Variants in EAF1 observed in about 807,000 individuals in gnomAD.
EAF1 encodes the protein ELL associated factor 1.
In EAF1, 19 loss-of-function variants were observed where a neutral mutation model predicts 26.6. That is an observed-to-expected ratio of 0.71 (90% confidence interval 0.50 to 1.05). The LOEUF is 1.05. EAF1 is among the 50% of genes least tolerant of loss of function. EAF1 has a pLI of 0.00. For missense variants in EAF1, 260 were observed against 335.5 expected (o/e 0.78, Z 1.76); for synonymous variants, 102 against 120.6 (o/e 0.85, Z 1.01).
At chr3:15,435,251 C>CA (rs1202309205) in intron 4 of EAF1, among the ~76,000 whole-genome samples, 4 of 152,120 alleles carry the variant, frequency 2.6e-5, no homozygotes, top group Admixed American at 2.0e-4. Context: ...AAACCTGAGA[C>CA]AAAAAAGCTT....
chr3:15,438,954 T>C, intron 5 of EAF1, 155 bp from the exon 6 acceptor site: 1 of 667,822 alleles, frequency 1.5e-6, no homozygotes, highest in South Asian at 2.1e-5. Flanking sequence ...TTTGTTTCAG[T>C]GAGCCAATTT....
chr3:15,438,382 A>G (rs1357945101), intron 5 of EAF1, among the ~76,000 whole-genome samples: 1 of 152,150 alleles, frequency 6.6e-6, no homozygotes, highest in East Asian at 1.9e-4. Context: ...GCATTAGCAT[A>G]TTACTGGTGT....
At chr3:15,437,162 C>T (rs963738845) in intron 5 of EAF1, among the ~76,000 whole-genome samples, 9 of 151,784 alleles carry the variant, frequency 5.9e-5, no homozygotes, top group Non-Finnish European at 1.3e-4. Context: ...TCCCAAAGTG[C>T]TGGGATTATG....
chr3:15,433,123 T>C (rs762011038), intron 3 of EAF1: 3 of 152,832 alleles, frequency 2.0e-5, no homozygotes, highest in Non-Finnish European at 4.4e-5. Context: ...AATATGGAAT[T>C]GTTCATGAGT....
At chr3:15,430,198 C>G (rs1425675853) in intron 2 of EAF1, among the ~76,000 whole-genome samples, 191 bp downstream of exon 2, 2 of 152,108 alleles carry the variant, frequency 1.3e-5, no homozygotes, top group South Asian at 4.1e-4. Flanking sequence ...AAAAATAATT[C>G]TTGTAATCCT....
Position 15,439,517 on chromosome 3 carries a change from C to T in EAF1, c.*362C>T, listed in dbSNP as rs2061854166. ...TTCAGTTTTAAACCTCAGCAGCCAT[C>T]AGTTTGGCCAAGTGGTTGGTACCAG... is the stretch of plus-strand genomic sequence containing the variant. On this transcript the variant is annotated 3_prime_UTR_variant, in exon 6 of 6. Transcript: ENST00000396842. 1 of 182,512 alleles carries T rather than the reference C, an allele frequency of 5.5e-6. No individual in the cohort carries two copies. Among genetic ancestry groups the T allele is most frequent in the Non-Finnish European group, 1.1e-5 (1 of 88,270 alleles). The allele number at this position is 182,512 out of a possible 1,614,324, so 11.3% of individuals were successfully genotyped here. A position where few individuals can be genotyped will look rare whatever the true frequency, so the allele number is the denominator to read the frequency against.
chr3:15,439,175 T>C lies in EAF1; in HGVS notation c.*20T>C, dbSNP rs2061852415. Reference sequence around the variant, plus strand: ...GACTAGTGCTGGATCTTTCGAAACCTACTTTTTGGTGCACAAACATGCCGC... The same window carrying C: ...GACTAGTGCTGGATCTTTCGAAACCCACTTTTTGGTGCACAAACATGCCGC... On this transcript the variant is annotated 3_prime_UTR_variant, in exon 6 of 6. Transcript: ENST00000396842. The C allele has an allele frequency of 6.2e-7, 1 of 1,611,496 alleles. No individual in the cohort carries two copies. Among genetic ancestry groups the C allele is most frequent in the African/African-American group, 1.3e-5 (1 of 74,882 alleles).
At position 15,439,173 on chromosome 3, in the gene EAF1, C is replaced by T; in HGVS notation, c.*18C>T. On this transcript the variant is annotated 3_prime_UTR_variant, in exon 6 of 6. Coordinates refer to ENST00000396842, the MANE Select transcript of EAF1 (RefSeq NM_033083.7). ...ATGACTAGTGCTGGATCTTTCGAAACCTACTTTTTGGTGCACAAACATGCC... is the reference window on the plus strand; with the variant it reads ...ATGACTAGTGCTGGATCTTTCGAAATCTACTTTTTGGTGCACAAACATGCC... 2 of 1,611,232 alleles carry T rather than the reference C, an allele frequency of 1.2e-6. No individual in the cohort carries two copies. The highest frequency in any genetic ancestry group is 1.1e-5 in the South Asian group (1 of 90,164).
At chr3:15,430,584 A>T (rs537274685) in intron 2 of EAF1, among the ~76,000 whole-genome samples, 12 of 151,946 alleles carry the variant, frequency 7.9e-5, no homozygotes, top group Non-Finnish European at 1.6e-4. Context: ...TTTTCTCCCA[A>T]GCAACTCCAG....
rs1471570236 is a variant in EAF1 at position 15,441,896 on chromosome 3, G to C, written c.*2741G>C. The stretch of plus-strand genomic sequence containing the variant: ...TTTCATGATTTAGAAGTCTTTAACT[G>C]AATTATTAAAATTGCCTTTTTTTTG... On this transcript the variant is annotated 3_prime_UTR_variant, in exon 6 of 6. Transcript: ENST00000396842. 1 of 152,542 alleles carries C rather than the reference G, an allele frequency of 6.6e-6. No homozygotes were observed. Among genetic ancestry groups the C allele is most frequent in the Non-Finnish European group, 1.5e-5 (1 of 68,022 alleles). 9.4% of individuals were successfully genotyped at this position (152,542 alleles called of 1,614,324 possible).
rs367733616 is a variant in EAF1 at position 15,439,094 on chromosome 3, T to A, written c.761-15T>A. 84 of 1,603,216 alleles carry A rather than the reference T, an allele frequency of 5.2e-5. No homozygotes were observed. Among genetic ancestry groups the A allele is most frequent in the Non-Finnish European group, 6.4e-5 (75 of 1,175,518 alleles). Reference sequence around the variant, plus strand: ...TTTGATTCTATGATTTTACTTTATTTTTTTTTTTAAATAGGAAATGACTTG... The same window carrying A: ...TTTGATTCTATGATTTTACTTTATTATTTTTTTTAAATAGGAAATGACTTG... On this transcript the variant is annotated splice_polypyrimidine_tract_variant and intron_variant, in intron 5 of 5. Transcript: ENST00000396842.
intron 2 of EAF1, among the ~76,000 whole-genome samples, chr3:15,430,639 C>G (rs559406485): frequency 6.6e-6 from 1 of 152,056 alleles, no homozygotes; most frequent in African/African-American, 2.4e-5. Flanking sequence ...GCCACAACAG[C>G]TCAGGAGTGT....
intron 2 of EAF1, 92 bp downstream of exon 2, chr3:15,430,099 T>C (rs2061794120): frequency 1.9e-6 from 2 of 1,035,768 alleles, no homozygotes; most frequent in Non-Finnish European, 2.8e-6. Context: ...CTTTTAAAAA[T>C]GTTTAGATTT....
chr3:15,442,389 T>C lies in EAF1; in HGVS notation c.*3234T>C, dbSNP rs549730468. The C allele has an allele frequency of 1.4e-3, 207 of 152,746 alleles. No homozygotes were observed. Among genetic ancestry groups the C allele is most frequent in the African/African-American group, 4.8e-3 (201 of 41,584 alleles). The allele number at this position is 152,746 out of a possible 1,614,324, so 9.5% of individuals were successfully genotyped here. On this transcript the variant is annotated 3_prime_UTR_variant, in exon 6 of 6. Transcript: ENST00000396842. ...CCAATAGGTTGGAAGACAAGACCAA[T>C]TGAAGAGTTAGGAAATGTGAGTTTT...
At chr3:15,438,405 C>T (rs1383409978) in intron 5 of EAF1, among the ~76,000 whole-genome samples, 3 of 152,120 alleles carry the variant, frequency 2.0e-5, no homozygotes, top group African/African-American at 7.2e-5. Context: ...ACAGTATTCA[C>T]CTTTCTTAAT....
Position 15,429,962 on chromosome 3 carries a change from A to G in EAF1, c.153A>G (p.Gln51=), listed in dbSNP as rs1006539738. ...SIDTSCEGEL[Q]VGKGDEVTIT... is the part of the protein sequence containing the mutation. ...ACACTTCCTGTGAAGGAGAGCTTCA[A>G]GTTGGCAAAGGAGATGAAGTCACAA... The change falls in exon 2 of 6, where the codon CAA becomes CAG. Residue 51 remains glutamine (Q), a synonymous_variant. Transcript: ENST00000396842. 1.2e-6 allele frequency: 2 copies of G among 1,613,202 alleles called. No individual in the cohort carries two copies. The highest frequency in any genetic ancestry group is 1.3e-5 in the African/African-American group (1 of 74,842).
In EAF1 at chr3:15,427,791, C is replaced by T. The variant is rs575466609; in HGVS notation, c.12C>T (p.Thr4=). MNG[T]ANPLLDREEH... The stretch of plus-strand genomic sequence containing the variant: ...GCAGGTGCGGGGCCATGAATGGGAC[C>T]GCAAACCCGCTGCTGGACCGCGAGG... Residue 4 remains threonine (T), a synonymous_variant, in exon 1 of 6, where the codon ACC becomes ACT. Coordinates refer to ENST00000396842, the MANE Select transcript of EAF1 (RefSeq NM_033083.7). 1.9e-6 allele frequency: 3 copies of T among 1,551,280 alleles called. No homozygotes were observed. Among genetic ancestry groups the T allele is most frequent in the South Asian group, 2.4e-5 (2 of 84,038 alleles).
rs908913215 is a variant in EAF1 at position 15,436,388 on chromosome 3, T to C, written c.573T>C (p.Ser191=). Reference sequence around the variant, plus strand: ...TTATTGAACAAATGAGCAGCAGCAGTGGGAGCAGCTCTTCAGACTCTGAGA... The same window carrying C: ...TTATTGAACAAATGAGCAGCAGCAGCGGGAGCAGCTCTTCAGACTCTGAGA... ...VDIIEQMSSS[S]GSSSSDSESS... Residue 191 remains serine (S), a synonymous_variant, in exon 5 of 6, where the codon AGT becomes AGC. Transcript: ENST00000396842. 5.0e-6 allele frequency: 8 copies of C among 1,613,530 alleles called. No individual in the cohort carries two copies. The highest frequency in any genetic ancestry group is 6.8e-6 in the Non-Finnish European group (8 of 1,179,538).
At chr3:15,432,027 C>A in intron 2 of EAF1, 60 bp from the exon 3 acceptor site, 1 of 1,540,418 alleles carries the variant, frequency 6.5e-7, no homozygotes, top group Non-Finnish European at 8.8e-7. Context: ...TCTATAAATT[C>A]AGTTGATATT....
Sources: allele counts gnomAD v4.1 joint callset (sites outside exome capture counted in the v4.1 genomes callset), GRCh38; gene constraint gnomAD v4.1.1; transcripts MANE v1.5; gene names NCBI Gene and HGNC (gene_info 2026-07-23, HGNC 2026-07-21).